CACNA1C: variants seen among roughly 807,000 people sequenced by gnomAD.
The protein encoded by CACNA1C is voltage-dependent L-type calcium channel subunit alpha-1C.
A neutral mutation model predicts 229.0 loss-of-function variants in CACNA1C; 30 were observed. The ratio of observed to expected loss-of-function variants is 0.13; its 90% CI spans 0.10 to 0.18. CACNA1C has a LOEUF of 0.18. CACNA1C is among the 10% of genes least tolerant of loss of function. CACNA1C has a pLI of 1.00. For missense variants in CACNA1C, 1,658 were observed against 2,845.0 expected, an observed-to-expected ratio of 0.58 and a Z score of 9.49; for synonymous variants, 1,114 against 1,132.5, an observed-to-expected ratio of 0.98 and a Z score of 0.33.
Position 2,427,269 on chromosome 12 carries a change from G to A in CACNA1C, c.478-21707G>A, listed in dbSNP as rs564893013. 5.1e-4 allele frequency among the ~76,000 whole-genome samples: 77 copies of A among 152,310 alleles called. 1 individual carries two copies. In the South Asian group the frequency reaches 0.015, roughly 30 times the overall value. On this transcript the variant is annotated intron_variant, in intron 3 of 46. Transcript: ENST00000399655. Reference sequence around the variant, plus strand: ...TGTGTACATGCCAGGGACGGGGATGGGGATGGTAGTGGGGTTTTCAGCTGT... The same window carrying A: ...TGTGTACATGCCAGGGACGGGGATGAGGATGGTAGTGGGGTTTTCAGCTGT...
In CACNA1C at chr12:2,691,448, T is replaced by G; in HGVS notation, c.*249T>G. 1 of 385,674 alleles carries G rather than the reference T, an allele frequency of 2.6e-6. No homozygotes were observed. The highest frequency in any genetic ancestry group is 4.5e-6 in the Non-Finnish European group (1 of 221,128). 23.9% of individuals were successfully genotyped at this position (385,674 alleles called of 1,614,324 possible). A position where few individuals can be genotyped will look rare whatever the true frequency, so the allele number is the denominator to read the frequency against. The stretch of plus-strand genomic sequence containing the variant: ...GGGCGCGAGGAAGGCGCCTGCCCTC[T>G]CCCAGCTCGCAGGCCCCGGGCCCGG... On this transcript the variant is annotated 3_prime_UTR_variant, in exon 47 of 47. Coordinates refer to ENST00000399655, the MANE Select transcript of CACNA1C (RefSeq NM_000719.7).
chr12:2,676,962 A>C, intron 39 of CACNA1C, 132 bp from the exon 40 acceptor site: 1 of 687,762 alleles, frequency 1.5e-6, no homozygotes, highest in Non-Finnish European at 2.5e-6. Context: ...TTTTTAAGCC[A>C]TGTGAATGTA....
intron 3 of CACNA1C, among the ~76,000 whole-genome samples, chr12:2,444,020 A>G (rs1181142710): frequency 6.6e-6 from 1 of 152,196 alleles, no homozygotes; most frequent in Non-Finnish European, 1.5e-5. Context: ...CGTTTCAACA[A>G]TAGGCAGCTG....
intron 30 of CACNA1C, among the ~76,000 whole-genome samples, chr12:2,644,328 A>T (rs2094103047): frequency 6.6e-6 from 1 of 152,160 alleles, no homozygotes; most frequent in Non-Finnish European, 1.5e-5. Flanking sequence ...GCCATGGCTT[A>T]TGCCCCCTTC....
chr12:2,055,238 G>A (rs1436213815), intron 1 of CACNA1C, among the ~76,000 whole-genome samples: 1 of 152,166 alleles, frequency 6.6e-6, no homozygotes, highest in Non-Finnish European at 1.5e-5. Context: ...GGTTTAGGAG[G>A]GAAGGAGTGA....
chr12:2,330,469 T>A (rs1472718348), intron 3 of CACNA1C, among the ~76,000 whole-genome samples: 1 of 152,246 alleles, frequency 6.6e-6, no homozygotes, highest in Non-Finnish European at 1.5e-5. Flanking sequence ...TTTTGACTCC[T>A]TTAATACTCA....
At position 2,599,887 on chromosome 12, in the gene CACNA1C, C is replaced by T. The variant is rs12833113; in HGVS notation, c.2854-1967C>T. Among the ~76,000 whole-genome samples the T allele has an allele frequency of 8.7e-3, 1,328 of 152,282 alleles. 10 individuals are homozygous for T. The highest frequency in any genetic ancestry group is 0.012 in the Non-Finnish European group (800 of 68,014). On this transcript the variant is annotated intron_variant, in intron 21 of 46. Transcript: ENST00000399655. ...CTCTGGCCCTGCCTGGATGCATGTT[C>T]CCACCGCCCCCACATGCACACACAT...
At position 2,143,901 on chromosome 12, in the gene CACNA1C, C is replaced by T. The variant is rs1315767591; in HGVS notation, c.477+23471C>T. ...CTTTCGATTTGCTATTTCCTCTCTCCACCTCACCCCAACACCCAGTGCTAT... is the reference window on the plus strand; with the variant it reads ...CTTTCGATTTGCTATTTCCTCTCTCTACCTCACCCCAACACCCAGTGCTAT... On this transcript the variant is annotated intron_variant, in intron 3 of 46. Transcript: ENST00000399655. Among the ~76,000 whole-genome samples the T allele has an allele frequency of 2.0e-5, 3 of 150,806 alleles. 1 individual carries two copies. The highest frequency in any genetic ancestry group is 4.4e-5 in the Non-Finnish European group (3 of 67,472).
At position 2,280,263 on chromosome 12, in the gene CACNA1C, C is replaced by A. The variant is rs2090688383; in HGVS notation, c.477+159833C>A. 4.6e-5 allele frequency among the ~76,000 whole-genome samples: 4 copies of A among 86,126 alleles called. 1 individual carries two copies. The highest frequency in any genetic ancestry group is 4.2e-4 in the Admixed American group (4 of 9,576). The allele number at this position is 86,126 out of a possible 152,430, so 56.5% of individuals were successfully genotyped here. A position where few individuals can be genotyped will look rare whatever the true frequency, so the allele number is the denominator to read the frequency against. ...AGACCTTGCTGTGCTTCGGTTTAAC[C>A]TCTTGATACCTTGCTGTGCTTCGGT... On this transcript the variant is annotated intron_variant, in intron 3 of 46. Transcript: ENST00000399655.
intron 3 of CACNA1C, among the ~76,000 whole-genome samples, chr12:2,231,745 C>T (rs2065211649): frequency 6.6e-6 from 1 of 152,086 alleles, no homozygotes; most frequent in South Asian, 2.1e-4. Context: ...GTTTTGACTC[C>T]TGCAAGCTGC....
intron 1 of CACNA1C, among the ~76,000 whole-genome samples, chr12:2,078,505 C>G (rs946720511): frequency 1.3e-5 from 2 of 152,142 alleles, no homozygotes; most frequent in East Asian, 1.9e-4. Flanking sequence ...CTGCATGATC[C>G]TATTTATATG....
At chr12:2,668,879 G>A in intron 37 of CACNA1C, 54 bp from the exon 38 acceptor site, 1 of 1,179,796 alleles carries the variant, frequency 8.5e-7, no homozygotes, top group Non-Finnish European at 1.3e-6. Flanking sequence ...GTGTTCTGCG[G>A]TCCCCTAAGC....
intron 30 of CACNA1C, chr12:2,641,420 A>C (rs1197018159): frequency 2.7e-6 from 1 of 371,830 alleles, no homozygotes; most frequent in East Asian, 5.5e-5. Context: ...GTGTGGCCTG[A>C]GCTGGTTCTA....
At position 2,665,879 on chromosome 12, in the gene CACNA1C, C is replaced by T. The variant is rs1352600238; in HGVS notation, c.4526+171C>T. 1.3e-5 allele frequency among the ~76,000 whole-genome samples: 2 copies of T among 152,180 alleles called. No individual in the cohort carries two copies. The highest frequency in any genetic ancestry group is 4.8e-5 in the African/African-American group (2 of 41,448). On this transcript the variant is annotated intron_variant, in intron 36 of 46. Coordinates refer to ENST00000399655, the MANE Select transcript of CACNA1C (RefSeq NM_000719.7). This position sits in a 1 kb window ranked among gnomAD's most constrained non-coding sequence, Gnocchi z 5.9. The stretch of plus-strand genomic sequence containing the variant: ...GGGCCAGCAGGAGGAGGCCCGGCAC[C>T]TTCAATTAAGTCAAGAATGTATCTA...
chr12:2,352,528 C>T (rs1437360950), intron 3 of CACNA1C, among the ~76,000 whole-genome samples: 2 of 152,156 alleles, frequency 1.3e-5, no homozygotes, highest in Non-Finnish European at 2.9e-5. Flanking sequence ...TAATGGCCTC[C>T]TTTCTTTATC....
intron 46 of CACNA1C, 38 bp downstream of exon 46, chr12:2,688,817 G>T: frequency 7.1e-7 from 1 of 1,411,648 alleles, no homozygotes; most frequent in Non-Finnish European, 9.4e-7. Context: ...GAGAGGCCAC[G>T]GGCAACAAGG....
chr12:2,065,742 C>T (rs1229883966), intron 1 of CACNA1C, among the ~76,000 whole-genome samples: 1 of 152,074 alleles, frequency 6.6e-6, no homozygotes, highest in Admixed American at 6.5e-5. Flanking sequence ...CTGAGCCGTC[C>T]CTTGAAGGGT....
chr12:2,341,292 C>T (rs926189375), intron 3 of CACNA1C, among the ~76,000 whole-genome samples: 1 of 152,210 alleles, frequency 6.6e-6, no homozygotes, highest in East Asian at 1.9e-4. Context: ...GATTAGAGCA[C>T]ATGGTGCGAG....
chr12:2,577,409 C>A (rs2058807335), intron 13 of CACNA1C, among the ~76,000 whole-genome samples: 1 of 152,154 alleles, frequency 6.6e-6, no homozygotes, highest in Admixed American at 6.5e-5. Flanking sequence ...ATCCTACTCC[C>A]AAGGTTTGCT....
Sources: gnomAD v4.1 joint callset for allele counts (sites outside exome capture counted in the v4.1 genomes callset) on GRCh38, gnomAD v4.1.1 for gene constraint, Gnocchi (gnomAD v3.1) non-coding constraint, MANE v1.5 for transcripts, NCBI Gene and HGNC (gene_info 2026-07-23, HGNC 2026-07-21) for gene names.